The following UBE2E2 variants were observed in gnomAD, a reference collection of about 807,000 sequenced individuals.
UBE2E2 encodes ubiquitin-conjugating enzyme E2 E2.
A neutral mutation model predicts 24.7 loss-of-function variants in UBE2E2; 6 were observed. The ratio of observed to expected loss-of-function variants is 0.24; its 90% CI spans 0.13 to 0.48. The LOEUF is 0.48. Among genes scored for constraint, UBE2E2 ranks in the 20% least tolerant of loss-of-function variants. UBE2E2 has a pLI of 0.99. For missense variants in UBE2E2, 169 were observed against 245.0 expected (o/e 0.69, Z 2.07); for synonymous variants, 104 against 83.6 (o/e 1.24, Z -1.33).
At chr3:23,533,036 T>C (rs1317421892) in intron 5 of UBE2E2, among the ~76,000 whole-genome samples, 1 of 152,234 alleles carries the variant, frequency 6.6e-6, no homozygotes, top group African/African-American at 2.4e-5. Flanking sequence ...TTTAATTAGA[T>C]GCCTACTAGA....
chr3:23,494,222 A>T (rs930009150), intron 3 of UBE2E2, among the ~76,000 whole-genome samples: 1 of 152,180 alleles, frequency 6.6e-6, no homozygotes, highest in African/African-American at 2.4e-5. Flanking sequence ...TTGATTCATG[A>T]TACAGAAATA....
At chr3:23,588,761 T>C (rs1281248082) in intron 5 of UBE2E2, among the ~76,000 whole-genome samples, 8 of 152,172 alleles carry the variant, frequency 5.3e-5, no homozygotes, top group Non-Finnish European at 5.9e-5. Flanking sequence ...CTCCTTATGC[T>C]CCAATTTCCT....
At chr3:23,582,746 C>T (rs143718885) in intron 5 of UBE2E2, among the ~76,000 whole-genome samples, 4 of 151,610 alleles carry the variant, frequency 2.6e-5, no homozygotes, top group Non-Finnish European at 4.4e-5. Context: ...TAATGGGGTT[C>T]GTTTTTTGCT....
chr3:23,310,197 C>A (rs759576652), intron 3 of UBE2E2, among the ~76,000 whole-genome samples: 1 of 151,756 alleles, frequency 6.6e-6, no homozygotes, highest in Admixed American at 6.6e-5. Flanking sequence ...ACTACAGTTA[C>A]GTTGGTAAGT....
At chr3:23,267,170 C>G (rs1346945269) in intron 3 of UBE2E2, among the ~76,000 whole-genome samples, 4 of 151,546 alleles carry the variant, frequency 2.6e-5, no homozygotes, top group Admixed American at 2.0e-4. Context: ...CAAACACATT[C>G]AAAAGCTAGC....
chr3:23,321,071 T>C (rs948619864), intron 3 of UBE2E2, among the ~76,000 whole-genome samples: 1 of 152,252 alleles, frequency 6.6e-6, no homozygotes, highest in African/African-American at 2.4e-5. Flanking sequence ...TTGGCTTGTA[T>C]CTGCATCACT....
At chr3:23,352,060 G>A (rs1695771881) in intron 3 of UBE2E2, among the ~76,000 whole-genome samples, 1 of 152,062 alleles carries the variant, frequency 6.6e-6, no homozygotes, top group African/African-American at 2.4e-5. Flanking sequence ...AATCAAACTA[G>A]AGCTCAGGAT....
chr3:23,328,561 G>T (rs1314313222), intron 3 of UBE2E2, among the ~76,000 whole-genome samples: 2 of 152,006 alleles, frequency 1.3e-5, no homozygotes, highest in Non-Finnish European at 2.9e-5. Context: ...TTTGACTTTG[G>T]ATATTTTCAG....
intron 3 of UBE2E2, among the ~76,000 whole-genome samples, chr3:23,379,527 G>T (rs918172929): frequency 2.0e-5 from 3 of 149,806 alleles, no homozygotes; most frequent in Non-Finnish European, 4.4e-5. Flanking sequence ...AGTTTACTGA[G>T]AATGATGATT....
At chr3:23,522,148 T>TTGATGCA (rs58369100) in intron 4 of UBE2E2, among the ~76,000 whole-genome samples, 1 of 115,170 alleles carries the variant, frequency 8.7e-6, no homozygotes, top group African/African-American at 4.1e-5. Context: ...TTTTTTTTTT[T>TTGATGCA]GAGGCAGAGT....
chr3:23,483,289 C>T (rs1699293635), intron 3 of UBE2E2, among the ~76,000 whole-genome samples: 1 of 152,176 alleles, frequency 6.6e-6, no homozygotes, highest in Non-Finnish European at 1.5e-5. Flanking sequence ...TTTTAGATAA[C>T]ATTTAAGTTT....
At chr3:23,544,287 G>C (rs141478768) in intron 5 of UBE2E2, among the ~76,000 whole-genome samples, 1 of 152,128 alleles carries the variant, frequency 6.6e-6, no homozygotes, top group Non-Finnish European at 1.5e-5. Flanking sequence ...AGAATGGGAA[G>C]AAATATTTGC....
intron 3 of UBE2E2, among the ~76,000 whole-genome samples, chr3:23,253,943 G>A (rs1207744132): frequency 6.6e-6 from 1 of 151,692 alleles, no homozygotes; most frequent in African/African-American, 2.4e-5. Context: ...TCTCAAATAG[G>A]GTATATTAAT....
intron 3 of UBE2E2, among the ~76,000 whole-genome samples, chr3:23,430,748 T>G (rs1225144133): frequency 2.0e-5 from 3 of 152,178 alleles, no homozygotes; most frequent in Admixed American, 6.5e-5. Flanking sequence ...CTTGAACTCC[T>G]TGCCTCAAGG....
intron 5 of UBE2E2, among the ~76,000 whole-genome samples, chr3:23,562,363 G>T (rs1695955599): frequency 6.6e-6 from 1 of 152,138 alleles, no homozygotes; most frequent in African/African-American, 2.4e-5. Context: ...TTATATGCTG[G>T]ATTACGTTTA....
intron 3 of UBE2E2, among the ~76,000 whole-genome samples, chr3:23,355,074 T>G (rs1391046439): frequency 6.6e-6 from 1 of 151,952 alleles, no homozygotes; most frequent in African/African-American, 2.4e-5. Flanking sequence ...TTCATGTCCT[T>G]TGTAGGGACA....
At chr3:23,563,942 C>G (rs910498229) in intron 5 of UBE2E2, among the ~76,000 whole-genome samples, 1 of 147,034 alleles carries the variant, frequency 6.8e-6, no homozygotes, top group Non-Finnish European at 1.5e-5. Flanking sequence ...ACTTAGAGGT[C>G]TAGAGGGTTG....
chr3:23,334,696 G>T (rs888675266), intron 3 of UBE2E2, among the ~76,000 whole-genome samples: 1 of 152,154 alleles, frequency 6.6e-6, no homozygotes, highest in African/African-American at 2.4e-5. Context: ...ACTGATGAAA[G>T]ATCAACTGTA....
intron 3 of UBE2E2, among the ~76,000 whole-genome samples, chr3:23,432,628 A>G (rs1012290436): frequency 1.3e-5 from 2 of 151,926 alleles, no homozygotes; most frequent in Non-Finnish European, 2.9e-5. Flanking sequence ...GTTGAGAAGG[A>G]TGCTTACTAT....
Sources: gnomAD v4.1 joint callset for allele counts (sites outside exome capture counted in the v4.1 genomes callset) on GRCh38, gnomAD v4.1.1 for gene constraint, MANE v1.5 for transcripts, NCBI Gene and HGNC (gene_info 2026-07-23, HGNC 2026-07-21) for gene names.